LRBA: variants seen among roughly 807,000 people sequenced by gnomAD.
LRBA encodes LPS responsive beige-like anchor protein, also known as lipopolysaccharide-responsive and beige-like anchor protein.
LRBA carries 176 observed loss-of-function variants against 330.0 expected under a neutral mutation model. The ratio of observed to expected loss-of-function variants is 0.53; its 90% CI spans 0.47 to 0.60. The LOEUF (loss-of-function observed/expected upper bound fraction) is 0.60, where lower values mean the gene tolerates loss of function less well. Among genes scored for constraint, LRBA ranks in the 20% least tolerant of loss-of-function variants. The probability of loss-of-function intolerance (pLI) is 0.00; values close to 1 mark genes in which losing one functional copy is unlikely to be tolerated. For synonymous variants in LRBA, 1,230 were observed against 1,193.0 expected (o/e 1.03, Z -0.64); for missense variants, 3,259 against 3,444.8 (o/e 0.95, Z 1.35).
chr4:150,924,358 C>T (rs1220001192), intron 4 of LRBA, among the ~76,000 whole-genome samples: 1 of 151,926 alleles, frequency 6.6e-6, no homozygotes, highest in Non-Finnish European at 1.5e-5. Flanking sequence ...GAAAACAATA[C>T]AAAAATTAGC....
intron 38 of LRBA, among the ~76,000 whole-genome samples, chr4:150,592,261 T>C (rs1211693956): frequency 6.8e-6 from 1 of 148,070 alleles, no homozygotes; most frequent in African/African-American, 2.5e-5. Context: ...TATATATATA[T>C]CTATATAATT....
chr4:150,311,458 G>T (rs1029719694), intron 51 of LRBA: 3 of 152,054 alleles, frequency 2.0e-5, no homozygotes, highest in African/African-American at 7.3e-5. Context: ...TATTAATGTG[G>T]GTAGTTTAAT....
intron 44 of LRBA, among the ~76,000 whole-genome samples, chr4:150,460,196 C>T (rs1301452229): frequency 1.3e-5 from 2 of 151,786 alleles, no homozygotes; most frequent in Non-Finnish European, 1.5e-5. Flanking sequence ...TGATCAACAA[C>T]AGTTAAATGT....
At chr4:150,578,074 T>C (rs1236179649) in intron 40 of LRBA, among the ~76,000 whole-genome samples, 1 of 152,208 alleles carries the variant, frequency 6.6e-6, no homozygotes. Context: ...TGTTTTCCTA[T>C]AAATGGAAGA....
intron 40 of LRBA, among the ~76,000 whole-genome samples, chr4:150,567,651 T>C (rs551544455): frequency 1.3e-5 from 2 of 152,306 alleles, no homozygotes; most frequent in Non-Finnish European, 2.9e-5. Flanking sequence ...CTTAGCATAG[T>C]GGTTGGCACA....
intron 40 of LRBA, among the ~76,000 whole-genome samples, chr4:150,495,456 A>G (rs1388317638): frequency 1.3e-5 from 2 of 152,224 alleles, no homozygotes; most frequent in East Asian, 3.8e-4. Flanking sequence ...CCAAAAAACT[A>G]GCCTAATCTT....
At chr4:150,884,027 G>A (rs1041995356) in intron 17 of LRBA, among the ~76,000 whole-genome samples, 16 of 152,306 alleles carry the variant, frequency 1.1e-4, no homozygotes, top group African/African-American at 3.6e-4. Context: ...ATTCAGGTAA[G>A]AATATCAGGA....
chr4:150,285,580 T>G (rs1480563950), intron 54 of LRBA, among the ~76,000 whole-genome samples: 1 of 152,178 alleles, frequency 6.6e-6, no homozygotes, highest in Non-Finnish European at 1.5e-5. Context: ...TGTTCCTGCT[T>G]CAGGGGAATA....
In LRBA at chr4:150,800,611, A is replaced by C. The variant is rs1001089664; in HGVS notation, c.5519-2469T>G. ...ATCCAAAGGAAGGCCCTAAAACCTT[A>C]AAGTCAAGTTGTAAGTTACTGCCAG... On this transcript the variant is annotated intron_variant, in intron 33 of 56. Coordinates refer to ENST00000651943, the MANE Select transcript of LRBA (RefSeq NM_001364905.1). Among the ~76,000 whole-genome samples the C allele has an allele frequency of 2.0e-5, 3 of 152,172 alleles. No individual in the cohort carries two copies. In the East Asian group the frequency reaches 5.8e-4, roughly 29 times the overall value.
intron 4 of LRBA, among the ~76,000 whole-genome samples, chr4:150,925,961 CTG>C (rs1296407219): frequency 1.3e-5 from 2 of 152,166 alleles, no homozygotes. Context: ...TAGCTCAAGA[CTG>C]TGTTCCCTGA....
chr4:150,371,276 C>T (rs999305594), intron 47 of LRBA, among the ~76,000 whole-genome samples: 6 of 149,312 alleles, frequency 4.0e-5, no homozygotes, highest in African/African-American at 1.2e-4. Flanking sequence ...CACTCCAACC[C>T]CTGTCTCCTG....
intron 40 of LRBA, among the ~76,000 whole-genome samples, chr4:150,551,009 T>C (rs563760534): frequency 1.8e-4 from 27 of 152,212 alleles, no homozygotes; most frequent in Admixed American, 3.3e-4. Flanking sequence ...GGTGGGGCCT[T>C]TGGGAGTGAC....
chr4:150,371,737 C>A (rs1226203135), intron 47 of LRBA, among the ~76,000 whole-genome samples: 1 of 151,736 alleles, frequency 6.6e-6, no homozygotes, highest in African/African-American at 2.4e-5. Context: ...ATGCTATTTT[C>A]TATATTTGTT....
At chr4:151,005,023 T>C (rs750450955) in intron 2 of LRBA, among the ~76,000 whole-genome samples, 2 of 151,858 alleles carry the variant, frequency 1.3e-5, no homozygotes, top group Non-Finnish European at 2.9e-5. Context: ...GGAAAAAAGA[T>C]AAGAAGTGGA....
intron 35 of LRBA, among the ~76,000 whole-genome samples, chr4:150,736,930 A>C (rs1731257301): frequency 6.6e-6 from 1 of 152,086 alleles, no homozygotes; most frequent in Non-Finnish European, 1.5e-5. Context: ...ATACTACCTA[A>C]AAGGCCAGGC....
chr4:150,954,817 C>CAAAAAAAA (rs34282784), intron 2 of LRBA, among the ~76,000 whole-genome samples: 2,499 of 44,866 alleles, frequency 0.056, no homozygotes, highest in Middle Eastern at 0.089. Context: ...ACTCAGAAAT[C>CAAAAAAAA]AAAAAAAAAA....
At chr4:150,469,267 T>C (rs1293181919) in intron 43 of LRBA, among the ~76,000 whole-genome samples, 2 of 152,178 alleles carry the variant, frequency 1.3e-5, no homozygotes, top group Non-Finnish European at 2.9e-5. Context: ...CATGTTTATC[T>C]ATATGTGGCA....
chr4:150,370,766 T>C (rs1413192575), intron 47 of LRBA, among the ~76,000 whole-genome samples: 2 of 152,170 alleles, frequency 1.3e-5, no homozygotes, highest in Admixed American at 6.5e-5. Flanking sequence ...AGATGAGGAA[T>C]AGTAAGAGGT....
chr4:150,924,722 T>C (rs1406548602), intron 4 of LRBA, among the ~76,000 whole-genome samples: 1 of 152,184 alleles, frequency 6.6e-6, no homozygotes, highest in Non-Finnish European at 1.5e-5. Flanking sequence ...TAATATTAAA[T>C]AACTAAATAA....
Sources: gnomAD v4.1 joint callset for allele counts (sites outside exome capture counted in the v4.1 genomes callset) on GRCh38, gnomAD v4.1.1 for gene constraint, MANE v1.5 for transcripts, NCBI Gene and HGNC (gene_info 2026-07-23, HGNC 2026-07-21) for gene names.